Variants in PLEKHG3 observed in about 807,000 individuals in gnomAD.
PLEKHG3 encodes pleckstrin homology domain-containing family G member 3.
In PLEKHG3, 62 loss-of-function variants were observed where a neutral mutation model predicts 94.9. That is an observed-to-expected ratio of 0.65 (90% confidence interval 0.53 to 0.81). PLEKHG3 has a LOEUF of 0.81. Among genes scored for constraint, PLEKHG3 ranks in the 30% least tolerant of loss-of-function variants. The probability of loss-of-function intolerance (pLI) is 0.00; values close to 1 mark genes in which losing one functional copy is unlikely to be tolerated. For missense variants in PLEKHG3, 1,461 were observed against 1,619.3 expected (o/e 0.90, Z 1.68); for synonymous variants, 614 against 654.0 (o/e 0.94, Z 0.93).
At chr14:64,705,933 C>G (rs550272319) in intron 1 of PLEKHG3, among the ~76,000 whole-genome samples, 1 of 152,224 alleles carries the variant, frequency 6.6e-6, no homozygotes. Flanking sequence ...CTTCTCCTTT[C>G]GACACCTGCT....
In PLEKHG3 at chr14:64,727,711, G is replaced by T. The variant is rs751075770; in HGVS notation, c.80G>T (p.Gly27Val). Residue 27 changes from glycine (G) to valine (V), a missense_variant, in exon 2 of 17, where the codon GGC becomes GTC. Gly to Val is a moderately radical substitution (Grantham distance 109). Coordinates refer to ENST00000247226, the MANE Select transcript of PLEKHG3 (RefSeq NM_001308147.2). This position sits in a 1 kb window ranked among gnomAD's most constrained non-coding sequence, Gnocchi z 6.0. ...CTGACCTCTACCACCTCCTCGTCGG[G>T]CTCCTCCTGTGACAGTCGCAGTGCC... is the stretch of plus-strand genomic sequence containing the variant. ...VSLTSTTSSS[G>V]SSCDSRSAME... 1.2e-5 allele frequency: 19 copies of T among 1,612,186 alleles called. No homozygotes were observed. The highest frequency in any genetic ancestry group is 2.2e-5 in the East Asian group (1 of 44,826).
At position 64,732,438 on chromosome 14, in the gene PLEKHG3, C is replaced by T. The variant is rs193046609; in HGVS notation, c.1224C>T (p.Ala408=). ...TCCTTCCCCTTCAGGCCAAGGAAGC[C>T]ATCTTGGAAATGGATTCCTATTGTA... ...HATIPQKAKE[A]ILEMDSYYPN... The change falls in exon 11 of 17, where the codon GCC becomes GCT. Residue 408 remains alanine, a synonymous_variant. Coordinates refer to ENST00000247226, the MANE Select transcript of PLEKHG3 (RefSeq NM_001308147.2). This position sits in a 1 kb window ranked among gnomAD's most constrained non-coding sequence, Gnocchi z 4.9. 1 of 1,613,572 alleles carries T rather than the reference C, an allele frequency of 6.2e-7. No homozygotes were observed. Among genetic ancestry groups the T allele is most frequent in the East Asian group, 2.2e-5 (1 of 44,886 alleles).
Position 64,727,766 on chromosome 14 carries a change from C to G in PLEKHG3, c.135C>G (p.Pro45=). ...AMEEPSSSEA[P]AKNGAGSLRS... is the part of the protein sequence containing the mutation. ...AGGAGCCCAGCAGCTCCGAGGCTCC[C>G]GCCAAGAATGGGGCAGGCTCCCTGA... is the stretch of plus-strand genomic sequence containing the variant. The change falls in exon 2 of 17, where the codon CCC becomes CCG. Residue 45 remains proline (P), a synonymous_variant. Transcript: ENST00000247226. The surrounding 1 kb of genome is among the most constrained non-coding windows in gnomAD (Gnocchi z 6.0). The G allele has an allele frequency of 6.2e-7, 1 of 1,611,638 alleles. No homozygotes were observed. The highest frequency in any genetic ancestry group is 1.1e-5 in the South Asian group (1 of 91,028).
chr14:64,731,483 C>G lies in PLEKHG3; in HGVS notation c.972C>G (p.Asp324Glu). Residue 324 changes from aspartate (D) to glutamate (E), a missense_variant, in exon 8 of 17, where the codon GAC becomes GAG. Physicochemically the swap from Asp to Glu is conservative, Grantham distance 45. Around this residue, in one of 3 missense-constraint regions of PLEKHG3, gnomAD observed 1,201 missense variants for 1,295.5 expected, o/e 0.93. Coordinates refer to ENST00000247226, the MANE Select transcript of PLEKHG3 (RefSeq NM_001308147.2). The surrounding 1 kb of genome is among the most constrained non-coding windows in gnomAD (Gnocchi z 6.1). ...VRNERTFFLF[D>E]KTLLITKKRG... Reference sequence around the variant, plus strand: ...ATGAAAGGACCTTTTTCCTCTTTGACAAAACACTGCTTATCACCAAGAAGC... The same window carrying G: ...ATGAAAGGACCTTTTTCCTCTTTGAGAAAACACTGCTTATCACCAAGAAGC... 3.7e-6 allele frequency: 6 copies of G among 1,614,148 alleles called. No homozygotes were observed. Among genetic ancestry groups the G allele is most frequent in the Non-Finnish European group, 5.1e-6 (6 of 1,180,016 alleles).
intron 15 of PLEKHG3, 133 bp from the exon 16 acceptor site, chr14:64,740,903 C>T (rs1716138103): frequency 2.9e-6 from 2 of 682,270 alleles, no homozygotes; most frequent in African/African-American, 1.8e-5. Context: ...AAGTCGTGCT[C>T]ATTCTGATTG....
chr14:64,741,597 C>A lies in PLEKHG3; in HGVS notation c.2080C>A (p.Pro694Thr). The A allele has an allele frequency of 4.3e-6, 7 of 1,612,960 alleles. No homozygotes were observed. The highest frequency in any genetic ancestry group is 5.9e-6 in the Non-Finnish European group (7 of 1,180,006). Reference protein sequence around the residue: ...NGMEPPSPGCPVEPDRSSCKK... With the variant: ...NGMEPPSPGCTVEPDRSSCKK... ...GATGGAGCCCCCAAGCCCAGGCTGC[C>A]CAGTGGAGCCTGACCGGTCTTCCTG... The change falls in exon 16 of 17, where the codon CCA (proline) becomes ACA (threonine). Residue 694 changes from proline (P) to threonine (T), a missense_variant. By Grantham distance (38) the Pro-to-Thr change is conservative. This residue lies in a region of PLEKHG3 where 1,201 missense variants were observed against 1,295.5 expected (regional missense o/e 0.93). Transcript: ENST00000247226.
intron 12 of PLEKHG3, among the ~76,000 whole-genome samples, chr14:64,734,451 G>A (rs912042842): frequency 2.6e-5 from 4 of 152,166 alleles, no homozygotes; most frequent in African/African-American, 7.2e-5. Context: ...AGCTATGGAT[G>A]TACAACTCTT....
chr14:64,732,690 T>C lies in PLEKHG3; in HGVS notation c.1247-113T>C. ...GGAAGATGGAGGGAGCTCTGGAGGC[T>C]CCTGGCCCTGGAGCTGGGTGGGTAT... On this transcript the variant is annotated intron_variant, in intron 11 of 16. Coordinates refer to ENST00000247226, the MANE Select transcript of PLEKHG3 (RefSeq NM_001308147.2). This position sits in a 1 kb window ranked among gnomAD's most constrained non-coding sequence, Gnocchi z 4.9. 2.4e-6 allele frequency: 2 copies of C among 831,648 alleles called. No homozygotes were observed. The highest frequency in any genetic ancestry group is 3.3e-5 in the South Asian group (2 of 60,132). The allele number at this position is 831,648 out of a possible 1,614,324, so 51.5% of individuals were successfully genotyped here.
intron 3 of PLEKHG3, among the ~76,000 whole-genome samples, chr14:64,729,477 T>C (rs1337347152): frequency 6.6e-6 from 1 of 152,154 alleles, no homozygotes; most frequent in Non-Finnish European, 1.5e-5. Flanking sequence ...AAGGGCTCCC[T>C]GGAGATGATC....
At chr14:64,707,324 A>G (rs986251788) in intron 1 of PLEKHG3, among the ~76,000 whole-genome samples, 1 of 152,088 alleles carries the variant, frequency 6.6e-6, no homozygotes, top group African/African-American at 2.4e-5. Flanking sequence ...GTCTTTTCTC[A>G]TCTCTCCTTT....
chr14:64,742,209 G>C lies in PLEKHG3; in HGVS notation c.2692G>C (p.Glu898Gln). The C allele has an allele frequency of 6.2e-7, 1 of 1,613,014 alleles. No homozygotes were observed. The highest frequency in any genetic ancestry group is 8.5e-7 in the Non-Finnish European group (1 of 1,179,960). ...GGAGCTGAGCAGCAGTACCCAGGGGGAGCTGGTGGCCCCACTGCACCCCCG... is the reference window on the plus strand; with the variant it reads ...GGAGCTGAGCAGCAGTACCCAGGGGCAGCTGGTGGCCCCACTGCACCCCCG... ...VKELSSSTQG[E>Q]LVAPLHPRIV... Residue 898 changes from glutamate to glutamine, a missense_variant, in exon 16 of 17, where the codon GAG becomes CAG. Glu to Gln is a conservative substitution (Grantham distance 29). Coordinates refer to ENST00000247226, the MANE Select transcript of PLEKHG3 (RefSeq NM_001308147.2).
chr14:64,735,775 T>C (rs989002975), intron 12 of PLEKHG3, among the ~76,000 whole-genome samples: 9 of 152,260 alleles, frequency 5.9e-5, no homozygotes, highest in African/African-American at 2.2e-4. Flanking sequence ...CTTGAGGTTT[T>C]TTCTGCTTCT....
chr14:64,731,752 C>T lies in PLEKHG3; in HGVS notation c.1071C>T (p.Ser357=), dbSNP rs1222418332. ...TGCTGATCGAAAGCACCAGAGACTC[C>T]CTGTGCTTCACTGTCACCCACTACA... is the stretch of plus-strand genomic sequence containing the variant. The part of the protein sequence containing the change: ...SLMLIESTRD[S]LCFTVTHYKH... The change falls in exon 9 of 17, where the codon TCC becomes TCT. Residue 357 remains serine (S), a synonymous_variant. Coordinates refer to ENST00000247226, the MANE Select transcript of PLEKHG3 (RefSeq NM_001308147.2). This position sits in a 1 kb window ranked among gnomAD's most constrained non-coding sequence, Gnocchi z 6.1. 5 of 1,613,718 alleles carry T rather than the reference C, an allele frequency of 3.1e-6. No individual in the cohort carries two copies. The highest frequency in any genetic ancestry group is 1.1e-5 in the South Asian group (1 of 91,070).
intron 14 of PLEKHG3, chr14:64,737,799 C>A: frequency 2.3e-6 from 2 of 880,294 alleles, no homozygotes; most frequent in South Asian, 1.9e-5. Flanking sequence ...CCCGCAGCTG[C>A]CTGCAGGAGG....
rs1276677543 is a variant in PLEKHG3, at chr14:64,749,196, C to T, written c.*5493C>T. 6 of 1,371,498 alleles carry T rather than the reference C, an allele frequency of 4.4e-6. 1 individual carries two copies. The highest frequency in any genetic ancestry group is 3.8e-5 in the South Asian group (3 of 78,980). The allele number at this position is 1,371,498 out of a possible 1,614,324, so 85.0% of individuals were successfully genotyped here. ...GCGTGGGGCCCGGGGGCCCGGCCCG[C>T]GACTCGACTCATCTCGATTCGACCG... On this transcript the variant is annotated 3_prime_UTR_variant, in exon 17 of 17. Transcript: ENST00000247226. This position sits in a 1 kb window ranked among gnomAD's most constrained non-coding sequence, Gnocchi z 4.7.
intron 1 of PLEKHG3, among the ~76,000 whole-genome samples, chr14:64,705,646 G>C (rs1287945977): frequency 6.6e-6 from 1 of 152,206 alleles, no homozygotes; most frequent in African/African-American, 2.4e-5. Flanking sequence ...ACGCAGCCCA[G>C]TCACATGGCC....
rs769403996 is a variant in PLEKHG3, at chr14:64,742,250, C to G, written c.2733C>G (p.Ser911=). The change falls in exon 16 of 17, where the codon TCC becomes TCG. Residue 911 remains serine (S), a synonymous_variant. Transcript: ENST00000247226. ...TGCACCCCCGCATCGTGCAGCTCTC[C>G]CACGTAATGGACAGCCACGTGAGCG... ...APLHPRIVQL[S]HVMDSHVSER... The G allele has an allele frequency of 6.2e-7, 1 of 1,613,116 alleles. No homozygotes were observed. The highest frequency in any genetic ancestry group is 8.5e-7 in the Non-Finnish European group (1 of 1,180,026).
Position 64,727,520 on chromosome 14 carries a change from C to A in PLEKHG3, c.-39-73C>A. ...CTTCCCACCCCACCTGCCCCCACCC[C>A]TGGCAACCGTCCCTCTGTTCTGTTT... is the stretch of plus-strand genomic sequence containing the variant. On this transcript the variant is annotated intron_variant, in intron 1 of 16. Transcript: ENST00000247226. The surrounding 1 kb of genome is among the most constrained non-coding windows in gnomAD (Gnocchi z 6.0). The A allele has an allele frequency of 3.5e-6, 2 of 570,826 alleles. No homozygotes were observed. Among genetic ancestry groups the A allele is most frequent in the Non-Finnish European group, 6.4e-6 (2 of 312,314 alleles). 35.4% of individuals were successfully genotyped at this position (570,826 alleles called of 1,614,324 possible).
rs2081277542 is a variant in PLEKHG3 at position 64,722,413 on chromosome 14, T to C, written c.-39-5180T>C. ...TAGTAGAGATGGGGTTTCCTCATAT[T>C]GGTCAGGCTGGTCTCAAACTCCTCT... On this transcript the variant is annotated intron_variant, in intron 1 of 16. Coordinates refer to ENST00000247226, the MANE Select transcript of PLEKHG3 (RefSeq NM_001308147.2). This position sits in a 1 kb window ranked among gnomAD's most constrained non-coding sequence, Gnocchi z 4.3. 6.6e-6 allele frequency among the ~76,000 whole-genome samples: 1 copy of C among 152,182 alleles called. No homozygotes were observed. Among genetic ancestry groups the C allele is most frequent in the Non-Finnish European group, 1.5e-5 (1 of 68,030 alleles).
Sources: gnomAD v4.1 joint callset for allele counts (sites outside exome capture counted in the v4.1 genomes callset) on GRCh38, gnomAD v4.1.1 for gene constraint, gnomAD v4.1.1 regional missense constraint, Gnocchi (gnomAD v3.1) non-coding constraint, MANE v1.5 for transcripts, NCBI Gene and HGNC (gene_info 2026-07-23, HGNC 2026-07-21) for gene names.